CUX2: variants seen among roughly 807,000 people sequenced by gnomAD.
CUX2 encodes the protein cut like homeobox 2.
CUX2 carries 40 observed loss-of-function variants against 144.8 expected under a neutral mutation model. That is an observed-to-expected ratio of 0.28 (90% confidence interval 0.21 to 0.36). The LOEUF (loss-of-function observed/expected upper bound fraction) is 0.36. Ranked by LOEUF, CUX2 falls within the 10% of genes least tolerant of loss-of-function variation. The probability of loss-of-function intolerance (pLI) is 1.00; values close to 1 mark genes in which losing one functional copy is unlikely to be tolerated. For synonymous variants in CUX2, 827 were observed against 875.6 expected (o/e 0.94, Z 0.98); for missense variants, 1,615 against 1,994.0 (o/e 0.81, Z 3.62).
chr12:111,043,930 G>T (rs769538283), intron 1 of CUX2, among the ~76,000 whole-genome samples: 1 of 152,174 alleles, frequency 6.6e-6, no homozygotes, highest in Admixed American at 6.5e-5. Context: ...GATAGGACCC[G>T]TGCTGCGCTG....
intron 4 of CUX2, among the ~76,000 whole-genome samples, chr12:111,280,745 T>C (rs1410079550): frequency 6.6e-6 from 1 of 152,126 alleles, no homozygotes; most frequent in Non-Finnish European, 1.5e-5. Context: ...TCACATGGCC[T>C]CCTTCCCTGT....
chr12:111,053,970 T>C (rs1870400857), intron 1 of CUX2, among the ~76,000 whole-genome samples: 1 of 151,912 alleles, frequency 6.6e-6, no homozygotes, highest in Non-Finnish European at 1.5e-5. Context: ...GCCTGGCCAA[T>C]GTGGTGAAAC....
In CUX2 at chr12:111,263,525, T is replaced by G. The variant is rs55794686; in HGVS notation, c.223-236T>G. On this transcript the variant is annotated intron_variant, in intron 3 of 21. Transcript: ENST00000261726. This position sits in a 1 kb window ranked among gnomAD's most constrained non-coding sequence, Gnocchi z 4.0. ...CTGTAATCCCAGCTACTCAGGAGGC[T>G]GAGGCAGAAGAATTACTTGAACCCA... 0.25 allele frequency among the ~76,000 whole-genome samples: 37,746 copies of G among 152,024 alleles called. 5,192 individuals are homozygous for G. Among genetic ancestry groups the G allele is most frequent in the East Asian group, 0.46 (2,359 of 5,166 alleles).
chr12:111,216,085 G>C (rs972737536), intron 2 of CUX2, among the ~76,000 whole-genome samples: 2 of 152,292 alleles, frequency 1.3e-5, no homozygotes, highest in East Asian at 3.9e-4. Flanking sequence ...GCCTGTGCTC[G>C]GCGTCCCCCA....
chr12:111,092,851 G>A (rs577815415), intron 1 of CUX2, among the ~76,000 whole-genome samples: 233 of 100,724 alleles, frequency 2.3e-3, no homozygotes, highest in African/African-American at 8.1e-3. Context: ...TTCTCACTAT[G>A]TTGCCCAGGC....
At chr12:111,128,654 CA>C (rs1336202239) in intron 1 of CUX2, among the ~76,000 whole-genome samples, 1 of 152,154 alleles carries the variant, frequency 6.6e-6, no homozygotes, top group African/African-American at 2.4e-5. Flanking sequence ...GGCCCATGGT[CA>C]AGCATTCAAT....
At chr12:111,328,458 C>A (rs1887917075) in intron 18 of CUX2, among the ~76,000 whole-genome samples, 1 of 152,154 alleles carries the variant, frequency 6.6e-6, no homozygotes, top group African/African-American at 2.4e-5. Context: ...TATTCCAGAC[C>A]CTTCCATCCG....
chr12:111,217,935 G>A lies in CUX2; in HGVS notation c.220G>A (p.Glu74Lys), dbSNP rs751335439. 2.2e-5 allele frequency: 36 copies of A among 1,613,786 alleles called. No individual in the cohort carries two copies. Among genetic ancestry groups the A allele is most frequent in the African/African-American group, 6.7e-5 (5 of 74,890 alleles). Reference protein sequence around the residue: ...VAPVLKSFQAEVVALSKRSQE... With the variant: ...VAPVLKSFQAKVVALSKRSQE... Reference sequence around the variant, plus strand: ...TCCTGTATTAAAAAGCTTCCAAGCCGAGGTAAGACCCAGGGCCCACAGCAT... The same window carrying A: ...TCCTGTATTAAAAAGCTTCCAAGCCAAGGTAAGACCCAGGGCCCACAGCAT... Residue 74 changes from glutamate to lysine, a missense_variant and splice_region_variant, in exon 3 of 22, where the codon GAG becomes AAG. Transcript: ENST00000261726.
intron 18 of CUX2, among the ~76,000 whole-genome samples, chr12:111,330,688 T>TAGACATATATATATATATATACATATAC (rs2136425485): frequency 1.4e-3 from 1 of 736 alleles, no homozygotes; most frequent in African/African-American, 6.5e-3. Flanking sequence ...TACATATACA[T>TAGACATATATATATATATATACATATAC]ATATATATAT....
At chr12:111,041,680 G>A (rs1327380728) in intron 1 of CUX2, among the ~76,000 whole-genome samples, 1 of 152,224 alleles carries the variant, frequency 6.6e-6, no homozygotes, top group Non-Finnish European at 1.5e-5. Flanking sequence ...AATGGAGAAG[G>A]GGAGTGGAGA....
chr12:111,089,713 C>T (rs76199139), intron 1 of CUX2, among the ~76,000 whole-genome samples: 1 of 152,312 alleles, frequency 6.6e-6, no homozygotes, highest in East Asian at 1.9e-4. Context: ...AAAGGCATTC[C>T]AGAGAGAGGG....
intron 4 of CUX2, among the ~76,000 whole-genome samples, chr12:111,282,611 C>T (rs915663105): frequency 2.3e-5 from 3 of 128,050 alleles, no homozygotes; most frequent in African/African-American, 6.4e-5. Flanking sequence ...GGGCAACAAG[C>T]GTGAAACTCC....
chr12:111,043,917 C>T (rs1869869197), intron 1 of CUX2, among the ~76,000 whole-genome samples: 1 of 152,132 alleles, frequency 6.6e-6, no homozygotes, highest in Non-Finnish European at 1.5e-5. Context: ...CTTCAGGGAG[C>T]GTGATAGGAC....
intron 18 of CUX2, among the ~76,000 whole-genome samples, chr12:111,323,322 ACAGAAACGAGCCAGGTCAG>A (rs1210408632): frequency 4.7e-4 from 72 of 152,246 alleles, no homozygotes; most frequent in African/African-American, 1.7e-3. Context: ...TCTCAGGTTC[ACAGAAACGAGCCAGGTCAG>A]CAGGCCCATA....
chr12:111,321,836 G>C (rs1449895643), intron 17 of CUX2, among the ~76,000 whole-genome samples: 1 of 152,164 alleles, frequency 6.6e-6, no homozygotes, highest in African/African-American at 2.4e-5. Flanking sequence ...GGCCAGGCAA[G>C]CTCGGAGGAG....
chr12:111,231,030 T>C (rs1306928479), intron 3 of CUX2, among the ~76,000 whole-genome samples: 1 of 152,230 alleles, frequency 6.6e-6, no homozygotes, highest in East Asian at 1.9e-4. Context: ...TTTCAAATTT[T>C]GTATTCTGGT....
At chr12:111,217,863 T>C (rs764704684) in intron 2 of CUX2, 27 bp from the exon 3 acceptor site, 2 of 1,613,990 alleles carry the variant, frequency 1.2e-6, no homozygotes, top group Non-Finnish European at 1.7e-6. Context: ...GGCACTGTAG[T>C]GAACTCTTTG....
intron 1 of CUX2, among the ~76,000 whole-genome samples, chr12:111,176,298 T>G (rs1283395891): frequency 6.6e-6 from 1 of 151,938 alleles, no homozygotes; most frequent in East Asian, 1.9e-4. Flanking sequence ...CCTCATGCCT[T>G]GGCCTCCCAA....
intron 1 of CUX2, among the ~76,000 whole-genome samples, chr12:111,208,635 T>C (rs1214756563): frequency 6.6e-6 from 1 of 152,152 alleles, no homozygotes; most frequent in African/African-American, 2.4e-5. Flanking sequence ...AATGGGAGAC[T>C]CAGATATGAT....
Sources: gnomAD v4.1 joint callset for allele counts (sites outside exome capture counted in the v4.1 genomes callset) on GRCh38, gnomAD v4.1.1 for gene constraint, Gnocchi (gnomAD v3.1) non-coding constraint, MANE v1.5 for transcripts, NCBI Gene and HGNC (gene_info 2026-07-23, HGNC 2026-07-21) for gene names.